Variants in CNTN6 observed in about 807,000 individuals in gnomAD.
The protein encoded by CNTN6 is contactin-6.
A neutral mutation model predicts 122.8 loss-of-function variants in CNTN6; 137 were observed. The observed-to-expected ratio is 1.12, with a 90% CI of 0.97 to 1.29. The LOEUF is 1.29. Ranked by LOEUF, CNTN6 falls within the 50% of genes most tolerant of loss-of-function variation. The probability of loss-of-function intolerance (pLI) is 0.00; values close to 1 mark genes in which losing one functional copy is unlikely to be tolerated. For missense variants in CNTN6, 1,634 were observed against 1,223.4 expected (o/e 1.34, Z -5.01); for synonymous variants, 570 against 426.0 (o/e 1.34, Z -4.16).
At chr3:1,152,723 AATT>A (rs142630387) in intron 2 of CNTN6, among the ~76,000 whole-genome samples, 6,125 of 152,280 alleles carry the variant, frequency 0.04, 378 homozygotes, top group African/African-American at 0.14. Context: ...AAAATTTGAT[AATT>A]ATTAAAAATG....
intron 22 of CNTN6, chr3:1,402,718 A>C: frequency 7.6e-6 from 3 of 396,608 alleles, no homozygotes; most frequent in Non-Finnish European, 1.4e-5. Flanking sequence ...AACAGGAAAA[A>C]AAATCTTTGT....
At chr3:1,122,956 G>C (rs2092019712) in intron 1 of CNTN6, among the ~76,000 whole-genome samples, 1 of 151,714 alleles carries the variant, frequency 6.6e-6, no homozygotes, top group Non-Finnish European at 1.5e-5. Context: ...TATATACCTG[G>C]GACTGAAATG....
At chr3:1,121,731 C>T (rs968091835) in intron 1 of CNTN6, among the ~76,000 whole-genome samples, 5 of 151,770 alleles carry the variant, frequency 3.3e-5, no homozygotes, top group South Asian at 2.1e-4. Flanking sequence ...TTAATGACTA[C>T]GAAGTAGTCT....
At chr3:1,372,547 T>A in intron 13 of CNTN6, 73 bp downstream of exon 13, 2 of 1,231,888 alleles carry the variant, frequency 1.6e-6, no homozygotes, top group East Asian at 2.5e-5. Flanking sequence ...TTTTTCATAG[T>A]TACTCTCTCC....
chr3:1,378,183 C>T (rs906137213), intron 17 of CNTN6, among the ~76,000 whole-genome samples: 1 of 152,156 alleles, frequency 6.6e-6, no homozygotes, highest in Admixed American at 6.5e-5. Context: ...CAGACACATA[C>T]CCTGCTCCAT....
intron 7 of CNTN6, among the ~76,000 whole-genome samples, chr3:1,306,511 T>G (rs1698378915): frequency 6.6e-6 from 1 of 152,188 alleles, no homozygotes; most frequent in African/African-American, 2.4e-5. Flanking sequence ...TTTACTAGCA[T>G]TTGAAGGCAA....
At chr3:1,121,914 G>C (rs961138023) in intron 1 of CNTN6, among the ~76,000 whole-genome samples, 3 of 151,884 alleles carry the variant, frequency 2.0e-5, no homozygotes, top group Non-Finnish European at 4.4e-5. Context: ...TTAAGTGCTT[G>C]AGAATAAAGA....
intron 4 of CNTN6, among the ~76,000 whole-genome samples, chr3:1,256,469 C>G (rs1279643947): frequency 1.3e-5 from 2 of 152,078 alleles, no homozygotes; most frequent in Non-Finnish European, 2.9e-5. Context: ...ATGAGGAAGA[C>G]TTGAAGAACT....
intron 2 of CNTN6, among the ~76,000 whole-genome samples, chr3:1,169,639 C>T (rs2093323702): frequency 6.6e-6 from 1 of 152,116 alleles, no homozygotes; most frequent in African/African-American, 2.4e-5. Flanking sequence ...CCTCCTTTTA[C>T]TTCTCTAAAT....
intron 9 of CNTN6, among the ~76,000 whole-genome samples, chr3:1,326,178 A>G (rs1275129124): frequency 6.6e-6 from 1 of 151,802 alleles, no homozygotes; most frequent in Non-Finnish European, 1.5e-5. Flanking sequence ...TCACAAAATC[A>G]CTGTTAGCCA....
chr3:1,216,759 G>A (rs373536484), intron 2 of CNTN6, among the ~76,000 whole-genome samples: 267 of 152,286 alleles, frequency 1.8e-3, no homozygotes, highest in Admixed American at 2.8e-3. Flanking sequence ...ATTTTAAGAT[G>A]AGGTTAATAA....
chr3:1,252,446 A>C (rs2094686393), intron 4 of CNTN6, among the ~76,000 whole-genome samples: 1 of 152,250 alleles, frequency 6.6e-6, no homozygotes, highest in Non-Finnish European at 1.5e-5. Flanking sequence ...ACCACTGTTA[A>C]CATTAGTAGA....
At chr3:1,224,599 C>T (rs575944415) in intron 3 of CNTN6, among the ~76,000 whole-genome samples, 1 of 152,092 alleles carries the variant, frequency 6.6e-6, no homozygotes, top group African/African-American at 2.4e-5. Context: ...GAAACACATT[C>T]TTTCAGCAAA....
At chr3:1,196,266 G>A (rs1021937128) in intron 2 of CNTN6, among the ~76,000 whole-genome samples, 17 of 152,136 alleles carry the variant, frequency 1.1e-4, no homozygotes, top group African/African-American at 3.1e-4. Context: ...ATGAAATATG[G>A]TGCAGAAAAC....
chr3:1,388,475 G>A (rs1249900447), intron 20 of CNTN6, among the ~76,000 whole-genome samples: 1 of 151,430 alleles, frequency 6.6e-6, no homozygotes, highest in Non-Finnish European at 1.5e-5. Flanking sequence ...AAACAGAACA[G>A]AAAAACTGGA....
At chr3:1,224,486 G>C (rs2094252324) in intron 3 of CNTN6, among the ~76,000 whole-genome samples, 1 of 151,958 alleles carries the variant, frequency 6.6e-6, no homozygotes, top group Admixed American at 6.6e-5. Flanking sequence ...ACTCTGATTT[G>C]ATCATTACAA....
chr3:1,310,967 G>C (rs434438), intron 7 of CNTN6, among the ~76,000 whole-genome samples: 50,363 of 151,858 alleles, frequency 0.33, 14,584 homozygotes, highest in African/African-American at 0.79. Context: ...TGCCATTGCA[G>C]TTCCCAAAGG....
At chr3:1,281,151 G>C (rs1187445516) in intron 5 of CNTN6, among the ~76,000 whole-genome samples, 1 of 152,184 alleles carries the variant, frequency 6.6e-6, no homozygotes, top group African/African-American at 2.4e-5. Flanking sequence ...CTCACACTCA[G>C]ATGAAGAGAA....
At chr3:1,288,362 C>T (rs542720487) in intron 5 of CNTN6, among the ~76,000 whole-genome samples, 90 of 152,250 alleles carry the variant, frequency 5.9e-4, no homozygotes, top group African/African-American at 2.0e-3. Context: ...TGGATTACAT[C>T]GTAAACTTCC....
Sources: allele counts gnomAD v4.1 joint callset (sites outside exome capture counted in the v4.1 genomes callset), GRCh38; gene constraint gnomAD v4.1.1; transcripts MANE v1.5; gene names NCBI Gene and HGNC (gene_info 2026-07-23, HGNC 2026-07-21).